The following TRIM36 variants were observed in gnomAD, a reference collection of about 807,000 sequenced individuals.
The protein encoded by TRIM36 is tripartite motif containing 36.
In TRIM36, 42 loss-of-function variants were observed where a neutral mutation model predicts 72.4. The ratio of observed to expected loss-of-function variants is 0.58; its 90% CI spans 0.45 to 0.75. TRIM36 has a LOEUF of 0.75. TRIM36 is among the 30% of genes least tolerant of loss of function. The probability of loss-of-function intolerance (pLI) is 0.00; values close to 1 mark genes in which losing one functional copy is unlikely to be tolerated. For synonymous variants in TRIM36, 315 were observed against 282.8 expected (o/e 1.11, Z -1.14); for missense variants, 913 against 857.1 (o/e 1.07, Z -0.81).
chr5:115,179,894 G>T, intron 1 of TRIM36: 2 of 1,415,002 alleles, frequency 1.4e-6, no homozygotes, highest in Non-Finnish European at 2.0e-6. Flanking sequence ...CGCTGGAATG[G>T]ACACGGACGC....
chr5:115,176,252 G>A (rs987845172), intron 1 of TRIM36, among the ~76,000 whole-genome samples: 14 of 152,276 alleles, frequency 9.2e-5, no homozygotes, highest in African/African-American at 3.4e-4. Context: ...ATCATTTGGT[G>A]GTATTTTTGT....
At chr5:115,164,833 C>G (rs940572122) in intron 1 of TRIM36, among the ~76,000 whole-genome samples, 1 of 152,228 alleles carries the variant, frequency 6.6e-6, no homozygotes, top group African/African-American at 2.4e-5. Flanking sequence ...TGAGACAAAG[C>G]AAGTCCCTTC....
At position 115,150,192 on chromosome 5, in the gene TRIM36, T is replaced by G. The variant is rs539339445; in HGVS notation, c.263-2798A>C. 1.5e-4 allele frequency among the ~76,000 whole-genome samples: 23 copies of G among 152,350 alleles called. 1 individual carries two copies. The East Asian group carries it at 3.9e-3, about 26-fold the overall frequency. ...AGAAAATGAGAATCTTAGGATATTC[T>G]GGGAAGTAATATCCTTAATGAAAAA... On this transcript the variant is annotated intron_variant, in intron 2 of 9. Coordinates refer to ENST00000513154, the MANE Select transcript of TRIM36 (RefSeq NM_001300759.2).
Position 115,137,483 on chromosome 5 carries a change from G to C in TRIM36, c.965C>G (p.Thr322Ser). Reference sequence around the variant, plus strand: ...AAGTCCCTGGTACTCTTCCATTTGAGTCTGAAATTTGTCTAATCTTAGTTT... The same window carrying C: ...AAGTCCCTGGTACTCTTCCATTTGACTCTGAAATTTGTCTAATCTTAGTTT... ...SKKLRLDKFQTQMEEYQGLLE... is the reference protein window; with the variant it reads ...SKKLRLDKFQSQMEEYQGLLE... Residue 322 changes from threonine (T) to serine (S), a missense_variant, in exon 6 of 10, where the codon ACT becomes AGT. Thr to Ser is a moderately conservative substitution (Grantham distance 58). Coordinates refer to ENST00000513154, the MANE Select transcript of TRIM36 (RefSeq NM_001300759.2). 6.2e-7 allele frequency: 1 copy of C among 1,614,168 alleles called. No individual in the cohort carries two copies. The highest frequency in any genetic ancestry group is 8.5e-7 in the Non-Finnish European group (1 of 1,180,024).
At chr5:115,159,275 A>G (rs1026952595) in intron 2 of TRIM36, among the ~76,000 whole-genome samples, 1 of 152,254 alleles carries the variant, frequency 6.6e-6, no homozygotes, top group African/African-American at 2.4e-5. Flanking sequence ...TACATAAGAA[A>G]GCATTAGCTT....
chr5:115,147,508 C>T lies in TRIM36; in HGVS notation c.263-114G>A, dbSNP rs920600821. The T allele has an allele frequency of 8.1e-6, 10 of 1,238,542 alleles. No homozygotes were observed. In the African/African-American group the frequency reaches 1.5e-4, roughly 19 times the overall value. 76.7% of individuals were successfully genotyped at this position (1,238,542 alleles called of 1,614,324 possible). A position where few individuals can be genotyped will look rare whatever the true frequency, so the allele number is the denominator to read the frequency against. The stretch of plus-strand genomic sequence containing the variant: ...TACAAATGTATCACAAAAACAGTAT[C>T]CGAAGTGGCTCCACGTGAAATTTGT... On this transcript the variant is annotated intron_variant, in intron 2 of 9. Coordinates refer to ENST00000513154, the MANE Select transcript of TRIM36 (RefSeq NM_001300759.2).
chr5:115,148,415 C>CTTTTTTTTTTTTTTTTTTTTT (rs146223001), intron 2 of TRIM36: 1 of 471,480 alleles, frequency 2.1e-6, no homozygotes, highest in Non-Finnish European at 2.5e-6. Context: ...TAAATCTGTT[C>CTTTTTTTTTTTTTTTTTTTTT]TTTTTTTTTT....
chr5:115,151,757 T>C (rs1245831403), intron 2 of TRIM36, among the ~76,000 whole-genome samples: 1 of 152,194 alleles, frequency 6.6e-6, no homozygotes, highest in East Asian at 1.9e-4. Flanking sequence ...GTATACTTGC[T>C]GGGTGGATAG....
At chr5:115,176,208 T>C (rs1259482473) in intron 1 of TRIM36, among the ~76,000 whole-genome samples, 2 of 152,230 alleles carry the variant, frequency 1.3e-5, no homozygotes. Context: ...ATTTTAGTTG[T>C]GTGAGCAACT....
upstream of TRIM36, among the ~76,000 whole-genome samples, chr5:115,172,390 C>T (rs1364780448): frequency 6.6e-6 from 1 of 152,160 alleles, no homozygotes; most frequent in Non-Finnish European, 1.5e-5. Flanking sequence ...AATATACATT[C>T]ATACCATGGA....
At chr5:115,140,658 GT>G (rs764109578) in intron 5 of TRIM36, among the ~76,000 whole-genome samples, 2 of 152,192 alleles carry the variant, frequency 1.3e-5, no homozygotes, top group Non-Finnish European at 2.9e-5. Context: ...TAATCACATA[GT>G]ATGTATTCCT....
At chr5:115,156,288 T>C (rs938833482) in intron 2 of TRIM36, among the ~76,000 whole-genome samples, 1 of 151,760 alleles carries the variant, frequency 6.6e-6, no homozygotes, top group Non-Finnish European at 1.5e-5. Flanking sequence ...ACCACCATCA[T>C]TCATCACAAA....
chr5:115,151,756 C>A (rs551704608), intron 2 of TRIM36, among the ~76,000 whole-genome samples: 2 of 152,274 alleles, frequency 1.3e-5, no homozygotes, highest in Admixed American at 1.3e-4. Context: ...GGTATACTTG[C>A]TGGGTGGATA....
At chr5:115,168,966 C>T (rs866684424) in intron 1 of TRIM36, 2 of 152,226 alleles carry the variant, frequency 1.3e-5, no homozygotes, top group Admixed American at 6.5e-5. Flanking sequence ...GTATTTCTTA[C>T]CCAAGAGAAA....
intron 2 of TRIM36, among the ~76,000 whole-genome samples, chr5:115,158,263 G>A (rs1561440714): frequency 6.6e-6 from 1 of 152,146 alleles, no homozygotes; most frequent in Non-Finnish European, 1.5e-5. Flanking sequence ...GCACCTTACA[G>A]AATCTCTTCT....
At chr5:115,167,188 C>A (rs942640075) in intron 1 of TRIM36, among the ~76,000 whole-genome samples, 1 of 152,182 alleles carries the variant, frequency 6.6e-6, no homozygotes, top group Non-Finnish European at 1.5e-5. Flanking sequence ...CACACAGCAG[C>A]AGGGCCCTGG....
chr5:115,166,352 G>GT (rs1422383741), intron 1 of TRIM36, among the ~76,000 whole-genome samples: 4 of 152,098 alleles, frequency 2.6e-5, no homozygotes, highest in African/African-American at 9.7e-5. Context: ...CTGCCTGCAG[G>GT]TAAGAGCTAC....
intron 2 of TRIM36, chr5:115,159,776 A>C (rs1754377758): frequency 2.5e-6 from 1 of 405,484 alleles, no homozygotes; most frequent in South Asian, 1.8e-5. Flanking sequence ...AAAATAATAC[A>C]ATTATTGAAT....
chr5:115,132,420 C>G (rs1373999955), intron 8 of TRIM36, among the ~76,000 whole-genome samples: 1 of 151,722 alleles, frequency 6.6e-6, no homozygotes, highest in African/African-American at 2.4e-5. Flanking sequence ...GTAATCCCAG[C>G]TACTACTCAG....
Sources: gnomAD v4.1 joint callset for allele counts (sites outside exome capture counted in the v4.1 genomes callset) on GRCh38, gnomAD v4.1.1 for gene constraint, MANE v1.5 for transcripts, NCBI Gene and HGNC (gene_info 2026-07-23, HGNC 2026-07-21) for gene names.